PRKN: variants seen among roughly 807,000 people sequenced by gnomAD.
PRKN encodes E3 ubiquitin-protein ligase parkin.
Under a neutral mutation model 59.5 loss-of-function variants are expected in PRKN, and 56 were observed. The observed-to-expected ratio is 0.94, with a 90% CI of 0.76 to 1.18. The LOEUF (loss-of-function observed/expected upper bound fraction) is 1.18. PRKN is among the 50% of genes most tolerant of loss of function. PRKN has a pLI of 0.00. For synonymous variants in PRKN, 250 were observed against 222.1 expected, an observed-to-expected ratio of 1.13 and a Z score of -1.12; for missense variants, 657 against 596.4, an observed-to-expected ratio of 1.10 and a Z score of -1.06.
At chr6:162,226,919 G>A (rs1348665778) in intron 3 of PRKN, among the ~76,000 whole-genome samples, 1 of 152,134 alleles carries the variant, frequency 6.6e-6, no homozygotes, top group African/African-American at 2.4e-5. Flanking sequence ...GGTATATGCT[G>A]CTACTTATGA....
At chr6:162,121,069 C>T (rs1436222927) in intron 4 of PRKN, among the ~76,000 whole-genome samples, 4 of 152,178 alleles carry the variant, frequency 2.6e-5, no homozygotes, top group Admixed American at 6.5e-5. Flanking sequence ...TTTCAAGGAT[C>T]ACCAAAAGCC....
At chr6:161,754,054 T>TG (rs1451493716) in intron 7 of PRKN, among the ~76,000 whole-genome samples, 1 of 151,990 alleles carries the variant, frequency 6.6e-6, no homozygotes, top group African/African-American at 2.4e-5. Context: ...TGAGCCCAGT[T>TG]GTGTAATTAT....
chr6:161,622,063 C>T (rs1219397405), intron 7 of PRKN, among the ~76,000 whole-genome samples: 2 of 152,060 alleles, frequency 1.3e-5, no homozygotes, highest in African/African-American at 4.8e-5. Flanking sequence ...ACCTGTTAGG[C>T]CCCCCGTCTC....
chr6:161,412,757 CCTCA>C (rs1415787959), intron 9 of PRKN, among the ~76,000 whole-genome samples: 1 of 149,800 alleles, frequency 6.7e-6, no homozygotes, highest in Non-Finnish European at 1.5e-5. Context: ...CTCATTCCTT[CCTCA>C]CTCATTCCTT....
chr6:161,669,215 G>A (rs972108440), intron 7 of PRKN, among the ~76,000 whole-genome samples: 4 of 152,184 alleles, frequency 2.6e-5, no homozygotes. Context: ...GGACTTCCCA[G>A]CACCTTCCCA....
chr6:162,500,745 G>A (rs1354007414), intron 1 of PRKN, among the ~76,000 whole-genome samples: 10 of 152,134 alleles, frequency 6.6e-5, no homozygotes, highest in African/African-American at 2.4e-4. Flanking sequence ...ATATGTAATT[G>A]ATATGCTATC....
intron 2 of PRKN, among the ~76,000 whole-genome samples, chr6:162,429,955 T>C (rs978378674): frequency 3.9e-5 from 6 of 152,206 alleles, no homozygotes; most frequent in Non-Finnish European, 7.3e-5. Flanking sequence ...CAGCAAATAA[T>C]TGTAATTCTA....
At chr6:162,626,805 C>G (rs1028451637) in intron 1 of PRKN, among the ~76,000 whole-genome samples, 6 of 112,222 alleles carry the variant, frequency 5.3e-5, no homozygotes, top group African/African-American at 2.2e-4. Flanking sequence ...CACAGCGAGA[C>G]TCTGTCTCCA....
chr6:161,590,001 C>T (rs988409787), intron 7 of PRKN, among the ~76,000 whole-genome samples: 5 of 151,168 alleles, frequency 3.3e-5, no homozygotes, highest in Non-Finnish European at 7.4e-5. Context: ...GTTGGCCAGG[C>T]TCGTTTTGAA....
intron 7 of PRKN, among the ~76,000 whole-genome samples, chr6:161,662,471 TG>T (rs1240567783): frequency 2.0e-5 from 3 of 152,196 alleles, no homozygotes; most frequent in African/African-American, 2.4e-5. Context: ...CAGTGGCACA[TG>T]GCAGTGGCAG....
chr6:162,299,920 G>A lies in PRKN; in HGVS notation c.172-37155C>T, dbSNP rs147254254. On this transcript the variant is annotated intron_variant, in intron 2 of 11. Coordinates refer to ENST00000366898, the MANE Select transcript of PRKN (RefSeq NM_004562.3). ...GCAGAAAATCCTAGCTTTCACTACA[G>A]CTTTATTCATTTCATACTTATATAA... is the stretch of plus-strand genomic sequence containing the variant. 1.2e-4 allele frequency among the ~76,000 whole-genome samples: 18 copies of A among 152,186 alleles called. No individual in the cohort carries two copies. In the East Asian group the frequency reaches 3.5e-3, roughly 29 times the overall value.
In PRKN at chr6:161,445,386, G is replaced by A. The variant is rs571960267; in HGVS notation, c.1084-58509C>T. 7.7e-4 allele frequency among the ~76,000 whole-genome samples: 117 copies of A among 152,294 alleles called. No homozygotes were observed. Among genetic ancestry groups the A allele is most frequent in the African/African-American group, 2.2e-3 (93 of 41,560 alleles). On this transcript the variant is annotated intron_variant, in intron 9 of 11. Coordinates refer to ENST00000366898, the MANE Select transcript of PRKN (RefSeq NM_004562.3). This position sits in a 1 kb window ranked among gnomAD's most constrained non-coding sequence, Gnocchi z 7.7. ...GGGCTCAGTGGTGCCCCTGGCCACC[G>A]AGTCAAGCAGCGTAGATTGATCAGA...
chr6:161,817,363 G>A (rs980957576), intron 6 of PRKN, among the ~76,000 whole-genome samples: 1 of 152,116 alleles, frequency 6.6e-6, no homozygotes, highest in African/African-American at 2.4e-5. Context: ...GGGCCACGTG[G>A]GTTTCCCATG....
chr6:162,368,573 A>T (rs1422313849), intron 2 of PRKN, among the ~76,000 whole-genome samples: 5 of 152,176 alleles, frequency 3.3e-5, no homozygotes, highest in African/African-American at 1.2e-4. Flanking sequence ...TACCAGCAGC[A>T]CAGAAGCTCA....
At chr6:162,026,033 G>A (rs1353101981) in intron 5 of PRKN, among the ~76,000 whole-genome samples, 2 of 152,098 alleles carry the variant, frequency 1.3e-5, no homozygotes, top group African/African-American at 2.4e-5. Flanking sequence ...ACATGGGCTC[G>A]CAGGTCCTGT....
chr6:161,869,410 T>C (rs547010656), intron 6 of PRKN, among the ~76,000 whole-genome samples: 1 of 150,196 alleles, frequency 6.7e-6, no homozygotes, highest in Admixed American at 6.6e-5. Flanking sequence ...TAAAATAAAA[T>C]AAAAGAAAGG....
chr6:161,502,560 A>G lies in PRKN; in HGVS notation c.1083+46294T>C, dbSNP rs537539364. Among the ~76,000 whole-genome samples the G allele has an allele frequency of 7.9e-5, 12 of 152,258 alleles. No individual in the cohort carries two copies. The highest frequency in any genetic ancestry group is 2.9e-4 in the African/African-American group (12 of 41,546). Reference sequence around the variant, plus strand: ...AATGGGATAATGTGAGCTGTCATTTATGTGCATTGACTGGTAGGGATGAGG... The same window carrying G: ...AATGGGATAATGTGAGCTGTCATTTGTGTGCATTGACTGGTAGGGATGAGG... On this transcript the variant is annotated intron_variant, in intron 9 of 11. Coordinates refer to ENST00000366898, the MANE Select transcript of PRKN (RefSeq NM_004562.3). This position sits in a 1 kb window ranked among gnomAD's most constrained non-coding sequence, Gnocchi z 4.0.
intron 1 of PRKN, among the ~76,000 whole-genome samples, chr6:162,595,558 T>C (rs951131175): frequency 6.6e-6 from 1 of 152,178 alleles, no homozygotes; most frequent in Non-Finnish European, 1.5e-5. Flanking sequence ...GCCTGGCTTG[T>C]TCCTGATTTT....
rs1787670332 is a variant in PRKN at position 161,413,200 on chromosome 6, T to C, written c.1084-26323A>G. Among the ~76,000 whole-genome samples, 1 of 152,042 alleles carries C rather than the reference T, an allele frequency of 6.6e-6. No homozygotes were observed. The highest frequency in any genetic ancestry group is 1.5e-5 in the Non-Finnish European group (1 of 68,014). On this transcript the variant is annotated intron_variant, in intron 9 of 11. Transcript: ENST00000366898. The surrounding 1 kb of genome is among the most constrained non-coding windows in gnomAD (Gnocchi z 4.4). ...TTAGGGTCGTGGGACCCCTTCCCAT[T>C]TATTTGTGGAAACCCACTGTCTCCC...
Sources: allele counts gnomAD v4.1 joint callset (sites outside exome capture counted in the v4.1 genomes callset), GRCh38; gene constraint gnomAD v4.1.1; non-coding constraint Gnocchi (gnomAD v3.1); transcripts MANE v1.5; gene names NCBI Gene and HGNC (gene_info 2026-07-23, HGNC 2026-07-21).